Variants in PELI1 observed in about 807,000 individuals in gnomAD.
The protein encoded by PELI1 is pellino E3 ubiquitin protein ligase 1.
PELI1 carries 15 observed loss-of-function variants against 41.3 expected under a neutral mutation model. The observed-to-expected ratio is 0.36, with a 90% CI of 0.24 to 0.56. PELI1 has a LOEUF of 0.56. Among genes scored for constraint, PELI1 ranks in the 20% least tolerant of loss-of-function variants. The pLI, the probability that PELI1 is intolerant of heterozygous loss-of-function variation, is 0.82. For missense variants in PELI1, 403 were observed against 525.5 expected, an observed-to-expected ratio of 0.77 and a Z score of 2.28; for synonymous variants, 178 against 180.1, an observed-to-expected ratio of 0.99 and a Z score of 0.09.
In PELI1 at chr2:64,108,467, A is replaced by G. The variant is rs976706677; in HGVS notation, c.-69-88T>C. On this transcript the variant is annotated intron_variant, in intron 1 of 6. Coordinates refer to ENST00000358912, the MANE Select transcript of PELI1 (RefSeq NM_020651.4). ...ATTTTTCAGCAGTCCTCTTGAACACAATATTATGCAAACCATCACAAGGTA... is the reference window on the plus strand; with the variant it reads ...ATTTTTCAGCAGTCCTCTTGAACACGATATTATGCAAACCATCACAAGGTA... 42 of 599,208 alleles carry G rather than the reference A, an allele frequency of 7.0e-5. No homozygotes were observed. In the African/African-American group the frequency reaches 7.5e-4, roughly 11 times the overall value. 37.1% of individuals were successfully genotyped at this position (599,208 alleles called of 1,614,324 possible).
At chr2:64,140,766 T>C (rs1681876272) in intron 1 of PELI1, among the ~76,000 whole-genome samples, 1 of 104,934 alleles carries the variant, frequency 9.5e-6, no homozygotes, top group Admixed American at 1.2e-4. Flanking sequence ...AAAATAGAAG[T>C]GATCTACTCA....
rs538925780 is a variant in PELI1, at chr2:64,115,636, A to G, written c.-69-7257T>C. Among the ~76,000 whole-genome samples, 4 of 152,314 alleles carry G rather than the reference A, an allele frequency of 2.6e-5. No individual in the cohort carries two copies. In the South Asian group the frequency reaches 8.3e-4, roughly 32 times the overall value. On this transcript the variant is annotated intron_variant, in intron 1 of 6. Transcript: ENST00000358912. ...TACATTACCCCATTTAATTTCTATT[A>G]CAACTATAAAGTACAATCATTTGTC...
chr2:64,130,274 G>C (rs752970020), intron 1 of PELI1, among the ~76,000 whole-genome samples: 13 of 152,132 alleles, frequency 8.5e-5, no homozygotes, highest in Non-Finnish European at 5.9e-5. Flanking sequence ...GAGTAGCTGG[G>C]ACTACAGGCA....
chr2:64,102,105 G>A (rs925865384), intron 3 of PELI1, among the ~76,000 whole-genome samples: 29 of 152,130 alleles, frequency 1.9e-4, no homozygotes, highest in African/African-American at 7.0e-4. Context: ...GATTACAGGC[G>A]TGAGCCATTG....
chr2:64,105,321 GAAT>G (rs1291429894), intron 2 of PELI1, among the ~76,000 whole-genome samples: 1 of 152,154 alleles, frequency 6.6e-6, no homozygotes, highest in African/African-American at 2.4e-5. Flanking sequence ...TTAGCTACCT[GAAT>G]GTACAAATGC....
intron 1 of PELI1, among the ~76,000 whole-genome samples, chr2:64,139,463 A>C (rs1439563668): frequency 1.3e-5 from 2 of 151,620 alleles, no homozygotes; most frequent in Non-Finnish European, 2.9e-5. Flanking sequence ...TTAATTTTTT[A>C]AGAAACTTCT....
At position 64,096,625 on chromosome 2, in the gene PELI1, A is replaced by T. The variant is rs752217550; in HGVS notation, c.304-15T>A. ...GACCGGCCAATCTGAGGGAAAAAAAAAAATACCTATAAACCCATTCAAAGA... is the reference window on the plus strand; with the variant it reads ...GACCGGCCAATCTGAGGGAAAAAAATAAATACCTATAAACCCATTCAAAGA... On this transcript the variant is annotated splice_polypyrimidine_tract_variant and intron_variant, in intron 4 of 6. Transcript: ENST00000358912. 9.5e-6 allele frequency: 15 copies of T among 1,580,514 alleles called. No homozygotes were observed. The highest frequency in any genetic ancestry group is 1.2e-5 in the Non-Finnish European group (14 of 1,152,408).
chr2:64,140,378 G>A (rs1308891103), intron 1 of PELI1, among the ~76,000 whole-genome samples: 3 of 152,156 alleles, frequency 2.0e-5, no homozygotes, highest in Admixed American at 2.0e-4. Context: ...CGATACAAGA[G>A]TACTATGTAG....
At position 64,095,136 on chromosome 2, in the gene PELI1, T is replaced by C; in HGVS notation, c.823A>G (p.Ile275Val). 1.2e-6 allele frequency: 2 copies of C among 1,614,198 alleles called. No individual in the cohort carries two copies. The highest frequency in any genetic ancestry group is 1.7e-6 in the Non-Finnish European group (2 of 1,180,012). Reference sequence around the variant, plus strand: ...GGGCACTGAGGTCGTGCTGCATTGATTTCCTGTCTTAAAGCTTCTAAATGC... The same window carrying C: ...GGGCACTGAGGTCGTGCTGCATTGACTTCCTGTCTTAAAGCTTCTAAATGC... Reference protein sequence around the residue: ...VKHLEALRQEINAARPQCPVG... With the variant: ...VKHLEALRQEVNAARPQCPVG... The change falls in exon 7 of 7, where the codon ATC becomes GTC. Residue 275 changes from isoleucine (I) to valine (V), a missense_variant. Ile to Val is a conservative substitution (Grantham distance 29). Transcript: ENST00000358912.
rs749824023 is a variant in PELI1 at position 64,100,452 on chromosome 2, C to T, written c.249G>A (p.Arg83=). Residue 83 remains arginine, a synonymous_variant, in exon 4 of 7, where the codon CGG becomes CGA. Transcript: ENST00000358912. The part of the protein sequence containing the change: ...DQHSISYTLS[R]AQTVVVEYTH... ...TATATTCAACCACCACAGTCTGGGC[C>T]CGAGATAAAGTATATGATATGCTAT... 1 of 1,589,172 alleles carries T rather than the reference C, an allele frequency of 6.3e-7. No homozygotes were observed. Among genetic ancestry groups the T allele is most frequent in the Admixed American group, 1.7e-5 (1 of 59,934 alleles).
chr2:64,102,897 C>G (rs1006653202), intron 3 of PELI1, among the ~76,000 whole-genome samples: 2 of 145,032 alleles, frequency 1.4e-5, no homozygotes, highest in Non-Finnish European at 3.0e-5. Flanking sequence ...GGCTGCAGTA[C>G]AGTGGCATGA....
chr2:64,122,497 A>G (rs768069518), intron 1 of PELI1, among the ~76,000 whole-genome samples: 9 of 152,210 alleles, frequency 5.9e-5, no homozygotes, highest in Middle Eastern at 3.4e-3. Context: ...ACCTCTGAGA[A>G]CGTCCTGCTT....
Position 64,123,970 on chromosome 2 carries a change from A to G in PELI1, c.-69-15591T>C, listed in dbSNP as rs545920776. Among the ~76,000 whole-genome samples, 13 of 152,226 alleles carry G rather than the reference A, an allele frequency of 8.5e-5. No homozygotes were observed. In the South Asian group the frequency reaches 1.0e-3, roughly 12 times the overall value. The stretch of plus-strand genomic sequence containing the variant: ...ATTATTTTGCAATAAAAAGGAATGA[A>G]TTACTGATATATACCACAACATGGA... On this transcript the variant is annotated intron_variant, in intron 1 of 6. Coordinates refer to ENST00000358912, the MANE Select transcript of PELI1 (RefSeq NM_020651.4).
Position 64,094,963 on chromosome 2 carries a change from T to C in PELI1, c.996A>G (p.Glu332=). 6.2e-7 allele frequency: 1 copy of C among 1,614,228 alleles called. No individual in the cohort carries two copies. Among genetic ancestry groups the C allele is most frequent in the Non-Finnish European group, 8.5e-7 (1 of 1,180,038 alleles). ...NKEERDGKDR[E]CPMCRSVGPY... The stretch of plus-strand genomic sequence containing the variant: ...GACCAACAGACCTACACATAGGACA[T>C]TCACGATCTTTTCCATCACGTTCTT... Residue 332 remains glutamate, a synonymous_variant, in exon 7 of 7, where the codon GAA becomes GAG. Transcript: ENST00000358912.
chr2:64,127,107 A>G (rs10192642), intron 1 of PELI1, among the ~76,000 whole-genome samples: 51,007 of 152,116 alleles, frequency 0.34, 9,141 homozygotes, highest in East Asian at 0.77. Flanking sequence ...ACCAAGACCA[A>G]AGAAAAGATT....
At chr2:64,113,467 C>T (rs1285684926) in intron 1 of PELI1, among the ~76,000 whole-genome samples, 1 of 152,122 alleles carries the variant, frequency 6.6e-6, no homozygotes, top group Non-Finnish European at 1.5e-5. Context: ...GCACCAAGAA[C>T]ATGAAATAGC....
chr2:64,109,324 A>T (rs565414158), intron 1 of PELI1, among the ~76,000 whole-genome samples: 16 of 152,342 alleles, frequency 1.1e-4, no homozygotes, highest in African/African-American at 3.1e-4. Flanking sequence ...CTAGGAACAT[A>T]ATATGAAAAT....
intron 1 of PELI1, among the ~76,000 whole-genome samples, chr2:64,119,730 T>C (rs1370566298): frequency 6.6e-6 from 1 of 152,178 alleles, no homozygotes; most frequent in Non-Finnish European, 1.5e-5. Context: ...TAGAGTAAGG[T>C]ACTTCCAGAA....
intron 1 of PELI1, among the ~76,000 whole-genome samples, chr2:64,141,172 A>G (rs940558162): frequency 2.6e-4 from 40 of 152,192 alleles, no homozygotes; most frequent in African/African-American, 9.7e-4. Context: ...CAATCTTTAC[A>G]TTGTATTATT....
Sources: gnomAD v4.1 joint callset for allele counts (sites outside exome capture counted in the v4.1 genomes callset) on GRCh38, gnomAD v4.1.1 for gene constraint, MANE v1.5 for transcripts, NCBI Gene and HGNC (gene_info 2026-07-23, HGNC 2026-07-21) for gene names.